The following SYNPR variants were observed in gnomAD, a reference collection of about 807,000 sequenced individuals.
SYNPR encodes the protein synaptoporin.
SYNPR carries 23 observed loss-of-function variants against 32.9 expected under a neutral mutation model. That is an observed-to-expected ratio of 0.70 (90% CI 0.50 to 0.99). The LOEUF (loss-of-function observed/expected upper bound fraction) is 0.99, where lower values mean the gene tolerates loss of function less well. Ranked by LOEUF, SYNPR falls within the 50% of genes least tolerant of loss-of-function variation. The pLI is 0.00. For missense variants in SYNPR, 318 were observed against 349.3 expected (o/e 0.91, Z 0.71); for synonymous variants, 146 against 135.9 (o/e 1.07, Z -0.52).
chr3:63,604,134 T>C (rs1017332388), intron 4 of SYNPR, among the ~76,000 whole-genome samples: 2 of 152,104 alleles, frequency 1.3e-5, no homozygotes, highest in Admixed American at 6.6e-5. Flanking sequence ...CGTATAGAGG[T>C]TTTCATAGTA....
chr3:63,297,585 T>G (rs975597569), intron 2 of SYNPR, among the ~76,000 whole-genome samples: 1 of 152,198 alleles, frequency 6.6e-6, no homozygotes, highest in African/African-American at 2.4e-5. Context: ...AAGAAATAGT[T>G]TCATCAAGGT....
rs1331154526 is a variant in SYNPR at position 63,464,566 on chromosome 3, G to GT, written c.85-16265dup. On this transcript the variant is annotated intron_variant, in intron 2 of 5. Coordinates refer to ENST00000478300, the MANE Select transcript of SYNPR (RefSeq NM_001130003.2). ...CAATTTCCCTTTTTTCCAACTCAGCGTAACTTCTCGGAGCCCCATCCAATG... is the reference window on the plus strand; with the variant it reads ...CAATTTCCCTTTTTTCCAACTCAGCGTTAACTTCTCGGAGCCCCATCCAATG... Among the ~76,000 whole-genome samples, 6 of 151,874 alleles carry GT rather than the reference G, an allele frequency of 4.0e-5. No individual in the cohort carries two copies. In the East Asian group the frequency reaches 1.2e-3, roughly 29 times the overall value.
chr3:63,314,058 T>TATATATCC lies in SYNPR; in HGVS notation c.84+35322_84+35323insCCATATAT, dbSNP rs1553866816. On this transcript the variant is annotated intron_variant, in intron 2 of 5. Coordinates refer to ENST00000478300, the MANE Select transcript of SYNPR (RefSeq NM_001130003.2). Reference sequence around the variant, plus strand: ...ATCCATATATATATATATCCATATATATATATATCCATATATATATATATC... The same window carrying TATATATCC: ...ATCCATATATATATATATCCATATATATATATCCATATATATCCATATATATATATATC... Among the ~76,000 whole-genome samples, 7 of 86,916 alleles carry TATATATCC rather than the reference T, an allele frequency of 8.1e-5. 1 individual carries two copies. The highest frequency in any genetic ancestry group is 2.7e-4 in the Admixed American group (2 of 7,374). 57.0% of individuals were successfully genotyped at this position (86,916 alleles called of 152,430 possible). A position where few individuals can be genotyped will look rare whatever the true frequency, so the allele number is the denominator to read the frequency against.
intron 2 of SYNPR, among the ~76,000 whole-genome samples, chr3:63,394,776 A>G (rs2088190123): frequency 6.6e-6 from 1 of 152,202 alleles, no homozygotes; most frequent in Non-Finnish European, 1.5e-5. Context: ...CTGAGGGAAT[A>G]TCAATATGTT....
intron 2 of SYNPR, among the ~76,000 whole-genome samples, chr3:63,291,786 A>G (rs2086741297): frequency 6.6e-6 from 1 of 152,190 alleles, no homozygotes. Context: ...TTTACCAGCA[A>G]CAGTACGTAA....
chr3:63,469,108 G>T (rs1207180078), intron 2 of SYNPR, among the ~76,000 whole-genome samples: 1 of 152,010 alleles, frequency 6.6e-6, no homozygotes, highest in Non-Finnish European at 1.5e-5. Flanking sequence ...CAAATGTATT[G>T]AATTCAGCCA....
intron 1 of SYNPR, among the ~76,000 whole-genome samples, chr3:63,248,859 TG>T (rs966790211): frequency 7.9e-5 from 12 of 152,170 alleles, no homozygotes; most frequent in South Asian, 2.1e-4. Flanking sequence ...CCCATTTTGA[TG>T]AGAATTAGCT....
At chr3:63,280,695 C>G (rs2086622714) in intron 2 of SYNPR, among the ~76,000 whole-genome samples, 1 of 150,820 alleles carries the variant, frequency 6.6e-6, no homozygotes, top group Non-Finnish European at 1.5e-5. Context: ...CTGCAAAATA[C>G]CGTTTTATAG....
intron 1 of SYNPR, among the ~76,000 whole-genome samples, chr3:63,237,708 C>G (rs2086209943): frequency 6.6e-6 from 1 of 152,080 alleles, no homozygotes; most frequent in East Asian, 1.9e-4. Flanking sequence ...ATACAGAGAT[C>G]TTGGCCTCGT....
rs149856932 is a variant in SYNPR at position 63,251,121 on chromosome 3, T to A, written n.67-1378T>A. Among the ~76,000 whole-genome samples the A allele has an allele frequency of 1.2e-4, 18 of 152,174 alleles. No homozygotes were observed. The East Asian group carries it at 3.3e-3, about 28-fold the overall frequency. On this transcript the variant is annotated intron_variant and non_coding_transcript_variant, in intron 1 of 4. Coordinates refer to the SYNPR transcript ENST00000478456. ...TGTACTACTGGGTACATTTTCTGCA[T>A]CTATATTGTTTCGTTCAGAGAAAAA...
chr3:63,537,667 G>A lies in SYNPR; in HGVS notation c.210-18876G>A, dbSNP rs145057462. 2.0e-4 allele frequency among the ~76,000 whole-genome samples: 30 copies of A among 152,214 alleles called. No individual in the cohort carries two copies. The East Asian group carries it at 3.9e-3, about 20-fold the overall frequency. On this transcript the variant is annotated intron_variant, in intron 3 of 5. Transcript: ENST00000478300. ...ATATCTTCTGGTGGAAAGATTCTAC[G>A]ATGTCAGGATATATTCTAATCACAG...
At chr3:63,204,447 A>G in the SYNPR span, among the ~76,000 whole-genome samples, 1 of 151,856 alleles carries the variant, frequency 6.6e-6, no homozygotes, top group Admixed American at 6.6e-5. Flanking sequence ...GGCCCACCCT[A>G]CTCCAGCATG....
chr3:63,490,412 A>C (rs539073030), intron 3 of SYNPR, among the ~76,000 whole-genome samples: 5 of 152,234 alleles, frequency 3.3e-5, no homozygotes, highest in African/African-American at 1.2e-4. Context: ...ATTTGTTTGT[A>C]AAAGATCTTG....
the SYNPR span, among the ~76,000 whole-genome samples, chr3:63,208,204 G>A: frequency 6.6e-6 from 1 of 152,096 alleles, no homozygotes; most frequent in South Asian, 2.1e-4. Flanking sequence ...CTCTCACTTA[G>A]AGTGATGCCC....
At chr3:63,372,728 C>T (rs2087834545) in intron 2 of SYNPR, among the ~76,000 whole-genome samples, 1 of 152,192 alleles carries the variant, frequency 6.6e-6, no homozygotes, top group South Asian at 2.1e-4. Flanking sequence ...CTGCTGCCTC[C>T]AAGCTGGGGT....
chr3:63,522,912 G>A (rs1431992218), intron 3 of SYNPR, among the ~76,000 whole-genome samples: 1 of 152,112 alleles, frequency 6.6e-6, no homozygotes, highest in Non-Finnish European at 1.5e-5. Context: ...GGCTCTAGAA[G>A]GGAAGTGACA....
intron 4 of SYNPR, among the ~76,000 whole-genome samples, chr3:63,570,968 A>G (rs1008762759): frequency 1.3e-5 from 2 of 152,198 alleles, no homozygotes; most frequent in African/African-American, 2.4e-5. Context: ...AGAAACATAT[A>G]AAAGAACCCC....
intron 1 of SYNPR, among the ~76,000 whole-genome samples, chr3:63,231,519 G>A (rs1469953793): frequency 6.6e-6 from 1 of 152,140 alleles, no homozygotes; most frequent in Non-Finnish European, 1.5e-5. Flanking sequence ...ACTGCTTAGT[G>A]ACTGCCCCTT....
At chr3:63,346,267 C>G (rs1185680644) in intron 2 of SYNPR, among the ~76,000 whole-genome samples, 2 of 152,092 alleles carry the variant, frequency 1.3e-5, no homozygotes, top group African/African-American at 4.8e-5. Flanking sequence ...AATTTTTACC[C>G]AAGTCACAAA....
Sources: gnomAD v4.1 joint callset for allele counts (sites outside exome capture counted in the v4.1 genomes callset) on GRCh38, gnomAD v4.1.1 for gene constraint, MANE v1.5 for transcripts, NCBI Gene and HGNC (gene_info 2026-07-23, HGNC 2026-07-21) for gene names.